CCDC66: variants seen among roughly 807,000 people sequenced by gnomAD.
CCDC66 encodes the protein coiled-coil domain-containing protein 66.
In CCDC66, 133 loss-of-function variants were observed where a neutral mutation model predicts 128.3. The ratio of observed to expected loss-of-function variants is 1.04; its 90% CI spans 0.90 to 1.20. CCDC66 has a LOEUF of 1.20. Ranked by LOEUF, CCDC66 falls within the 50% of genes most tolerant of loss-of-function variation. The pLI, the probability that CCDC66 is intolerant of heterozygous loss-of-function variation, is 0.00. For synonymous variants in CCDC66, 387 were observed against 357.0 expected, an observed-to-expected ratio of 1.08 and a Z score of -0.95; for missense variants, 1,126 against 1,075.5, an observed-to-expected ratio of 1.05 and a Z score of -0.66.
intron 10 of CCDC66, among the ~76,000 whole-genome samples, chr3:56,598,533 A>G (rs1230884247): frequency 6.6e-6 from 1 of 151,902 alleles, no homozygotes; most frequent in Non-Finnish European, 1.5e-5. Flanking sequence ...CCCATTAAGT[A>G]TGATGTTAGC....
At chr3:56,597,265 T>G (rs1559713796) in intron 10 of CCDC66, among the ~76,000 whole-genome samples, 2 of 152,086 alleles carry the variant, frequency 1.3e-5, no homozygotes, top group Admixed American at 6.5e-5. Flanking sequence ...TATATGTCTG[T>G]TTTTATACCA....
intron 1 of CCDC66, among the ~76,000 whole-genome samples, chr3:56,558,570 TA>T (rs2064684633): frequency 6.6e-6 from 1 of 152,198 alleles, no homozygotes; most frequent in Non-Finnish European, 1.5e-5. Flanking sequence ...GGTGGTATGA[TA>T]ACTTAATTTA....
intron 7 of CCDC66, among the ~76,000 whole-genome samples, chr3:56,580,371 A>C (rs1221119233): frequency 6.6e-6 from 1 of 151,772 alleles, no homozygotes; most frequent in Non-Finnish European, 1.5e-5. Context: ...CCATTTTGCC[A>C]GTCTGTGTCT....
intron 3 of CCDC66, chr3:56,563,465 A>G: frequency 2.0e-6 from 1 of 496,342 alleles, no homozygotes; most frequent in Non-Finnish European, 3.5e-6. Context: ...AGTATAGTGG[A>G]GATGTCCTAT....
At chr3:56,616,958 T>G (rs1288750382) in intron 13 of CCDC66, 154 bp from the exon 14 acceptor site, 2 of 517,150 alleles carry the variant, frequency 3.9e-6, no homozygotes, top group East Asian at 3.3e-5. Flanking sequence ...AGTATGTGGT[T>G]GTTCTTTAAT....
At chr3:56,567,263 G>T (rs760068576) in intron 6 of CCDC66, among the ~76,000 whole-genome samples, 1 of 152,120 alleles carries the variant, frequency 6.6e-6, no homozygotes, top group Non-Finnish European at 1.5e-5. Flanking sequence ...GGTGGTGCAC[G>T]CCTGTAATCC....
At position 56,560,440 on chromosome 3, in the gene CCDC66, T is replaced by A. The variant is rs182231332; in HGVS notation, c.102+846T>A. On this transcript the variant is annotated intron_variant, in intron 3 of 17. Transcript: ENST00000394672. ...TAGGCTGGAATTACCATTTAAAAAATTTTTTTGAGGTTGGGCATGGTGGCT... is the reference window on the plus strand; with the variant it reads ...TAGGCTGGAATTACCATTTAAAAAAATTTTTTGAGGTTGGGCATGGTGGCT... Among the ~76,000 whole-genome samples the A allele has an allele frequency of 5.6e-4, 85 of 152,182 alleles. No individual in the cohort carries two copies. The East Asian group carries it at 0.011, about 20-fold the overall frequency.
rs2064406046 is a variant in CCDC66, at chr3:56,557,200, C to G, written c.-43C>G. ...GAGCGGCGGCGGCAACCGACGTACA[C>G]AAGGGGCTTGAGCGTTCTGTGGAGA... On this transcript the variant is annotated 5_prime_UTR_variant, in exon 1 of 18. Coordinates refer to ENST00000394672, the MANE Select transcript of CCDC66 (RefSeq NM_001141947.3). The G allele has an allele frequency of 1.3e-6, 2 of 1,551,202 alleles. No homozygotes were observed. The highest frequency in any genetic ancestry group is 1.7e-6 in the Non-Finnish European group (2 of 1,146,964).
intron 6 of CCDC66, among the ~76,000 whole-genome samples, chr3:56,568,367 T>A (rs1366784700): frequency 6.6e-6 from 1 of 152,208 alleles, no homozygotes; most frequent in South Asian, 2.1e-4. Context: ...AATGCACAGA[T>A]GCTCATGTGG....
At chr3:56,595,734 T>C (rs2071760940) in intron 10 of CCDC66, among the ~76,000 whole-genome samples, 1 of 152,244 alleles carries the variant, frequency 6.6e-6, no homozygotes, top group Non-Finnish European at 1.5e-5. Context: ...GTTCTTTCGA[T>C]AAATATCCAG....
intron 3 of CCDC66, among the ~76,000 whole-genome samples, chr3:56,561,987 A>G (rs981752049): frequency 1.3e-5 from 2 of 151,740 alleles, no homozygotes; most frequent in Non-Finnish European, 2.9e-5. Flanking sequence ...AGTTTAACAT[A>G]TATGTGGTCA....
intron 3 of CCDC66, among the ~76,000 whole-genome samples, chr3:56,561,709 CAGT>C (rs1247673777): frequency 6.6e-6 from 1 of 152,176 alleles, no homozygotes; most frequent in Admixed American, 6.5e-5. Flanking sequence ...ACACCAAAAT[CAGT>C]AGTATTTTCT....
chr3:56,610,639 C>T (rs773502028), intron 10 of CCDC66, among the ~76,000 whole-genome samples: 4 of 152,026 alleles, frequency 2.6e-5, no homozygotes, highest in South Asian at 2.1e-4. Flanking sequence ...GGGGTGTTGA[C>T]GAGCCTTGTT....
intron 3 of CCDC66, chr3:56,561,056 G>A (rs566110006): frequency 3.1e-5 from 13 of 423,580 alleles, no homozygotes; most frequent in Non-Finnish European, 6.1e-5. Context: ...TATAAAAATT[G>A]TTTCTCTTTC....
In CCDC66 at chr3:56,615,188, GCA is replaced by G. The variant is rs1559766505; in HGVS notation, c.1630_1631del (p.Gln544GlufsTer17). ...GACAATGCAGCGAGCACAGGAACTG[GCA>G]CAGAGACTAAAACAAGAACAAAGAA... The part of the protein sequence containing the change: ...FQTMQRAQEL[A>X]QRLKQEQRIR... On this transcript the variant is annotated frameshift_variant, in exon 12 of 18. Transcript: ENST00000394672. LOFTEE classifies it high-confidence loss of function. 6.2e-7 allele frequency: 1 copy of G among 1,614,008 alleles called. No individual in the cohort carries two copies.
At chr3:56,584,198 G>T (rs1232807904) in intron 7 of CCDC66, among the ~76,000 whole-genome samples, 2 of 148,506 alleles carry the variant, frequency 1.3e-5, no homozygotes, top group East Asian at 4.2e-4. Flanking sequence ...GGGCGGAGAC[G>T]CTCCTCACTT....
intron 3 of CCDC66, among the ~76,000 whole-genome samples, chr3:56,560,514 T>A (rs931298187): frequency 2.6e-5 from 4 of 152,206 alleles, no homozygotes; most frequent in Admixed American, 2.6e-4. Flanking sequence ...GTGGATCACC[T>A]GAGGTCAGGA....
At chr3:56,613,482 C>A in intron 10 of CCDC66, 107 bp from the exon 11 acceptor site, 1 of 1,300,794 alleles carries the variant, frequency 7.7e-7, no homozygotes, top group African/African-American at 1.5e-5. Flanking sequence ...TTTTGGTTCC[C>A]CTCTGTGGAA....
At chr3:56,619,723 CTA>C in intron 16 of CCDC66, 52 bp from the exon 17 acceptor site, 2 of 1,600,354 alleles carry the variant, frequency 1.2e-6, no homozygotes, top group African/African-American at 1.3e-5. Flanking sequence ...TAGCACAGGG[CTA>C]TGTCATTTTA....
Sources: gnomAD v4.1 joint callset for allele counts (sites outside exome capture counted in the v4.1 genomes callset) on GRCh38, gnomAD v4.1.1 for gene constraint, MANE v1.5 for transcripts, NCBI Gene and HGNC (gene_info 2026-07-23, HGNC 2026-07-21) for gene names.